Variants in INSR observed in about 807,000 individuals in gnomAD.
The protein encoded by INSR is IR.
Under a neutral mutation model 142.6 loss-of-function variants are expected in INSR, and 67 were observed. The observed-to-expected ratio is 0.47, with a 90% CI of 0.39 to 0.58. The LOEUF (loss-of-function observed/expected upper bound fraction) is 0.58. INSR is among the 20% of genes least tolerant of loss of function. The pLI, the probability that INSR is intolerant of heterozygous loss-of-function variation, is 0.00. For synonymous variants in INSR, 756 were observed against 743.1 expected, an observed-to-expected ratio of 1.02 and a Z score of -0.28; for missense variants, 1,248 against 1,833.2, an observed-to-expected ratio of 0.68 and a Z score of 5.83.
intron 3 of INSR, among the ~76,000 whole-genome samples, chr19:7,183,293 TGTGTG>T (rs1974323502): frequency 6.6e-6 from 1 of 151,734 alleles, no homozygotes; most frequent in Non-Finnish European, 1.5e-5. Flanking sequence ...TGTGTGTGTG[TGTGTG>T]TTTTAAAACA....
intron 2 of INSR, among the ~76,000 whole-genome samples, chr19:7,207,363 G>A (rs564427303): frequency 6.6e-6 from 1 of 152,078 alleles, no homozygotes; most frequent in East Asian, 1.9e-4. Flanking sequence ...GTTGCAGTGA[G>A]CCAAGATGGT....
In INSR at chr19:7,119,826, ACAAACACACACACC is replaced by A. The variant is rs1465216563; in HGVS notation, c.3660-257_3660-244del. On this transcript the variant is annotated intron_variant, in intron 20 of 21. Coordinates refer to ENST00000302850, the MANE Select transcript of INSR (RefSeq NM_000208.4). This position sits in a 1 kb window ranked among gnomAD's most constrained non-coding sequence, Gnocchi z 5.2. ...CAAACACACAAACACATATACACAC[ACAAACACACACACC>A]CAAACACACACACGCACACACATGC... 2.6e-4 allele frequency among the ~76,000 whole-genome samples: 11 copies of A among 42,752 alleles called. No homozygotes were observed. Among genetic ancestry groups the A allele is most frequent in the Admixed American group, 3.3e-4 (1 of 3,054 alleles). 28.0% of individuals were successfully genotyped at this position (42,752 alleles called of 152,430 possible).
chr19:7,289,969 G>A (rs564132267), intron 1 of INSR, among the ~76,000 whole-genome samples: 22 of 152,296 alleles, frequency 1.4e-4, no homozygotes, highest in Non-Finnish European at 2.8e-4. Context: ...TGAGAGTTCT[G>A]CTTAAACCAA....
At chr19:7,148,623 G>A (rs562718426) in intron 11 of INSR, among the ~76,000 whole-genome samples, 29 of 151,492 alleles carry the variant, frequency 1.9e-4, no homozygotes, top group Middle Eastern at 3.4e-3. Context: ...GACTACAGGC[G>A]TGTGTCACCA....
intron 3 of INSR, among the ~76,000 whole-genome samples, chr19:7,178,252 G>T (rs1025220965): frequency 9.1e-5 from 12 of 131,898 alleles, no homozygotes; most frequent in Non-Finnish European, 1.8e-4. Context: ...GTGGGGGGGG[G>T]GGTGCCTAGA....
intron 1 of INSR, among the ~76,000 whole-genome samples, chr19:7,287,211 G>C (rs1421397416): frequency 6.8e-6 from 1 of 146,230 alleles, no homozygotes; most frequent in African/African-American, 2.6e-5. Context: ...CCAGGCTAGA[G>C]TGCAGTGGCG....
intron 2 of INSR, among the ~76,000 whole-genome samples, chr19:7,195,935 T>C (rs997556255): frequency 5.0e-5 from 5 of 99,554 alleles, no homozygotes; most frequent in African/African-American, 1.2e-4. Flanking sequence ...TTCTTTCTTT[T>C]TTTTTTTTTT....
chr19:7,198,309 C>T (rs555780730), intron 2 of INSR, among the ~76,000 whole-genome samples: 2 of 151,832 alleles, frequency 1.3e-5, no homozygotes, highest in South Asian at 4.1e-4. Context: ...GGCGCTCGGG[C>T]AGTGGCCGCC....
intron 10 of INSR, chr19:7,151,933 C>G (rs1011270258): frequency 2.5e-4 from 38 of 151,824 alleles, no homozygotes; most frequent in African/African-American, 8.7e-4. Context: ...GCTAGGAGTT[C>G]AGACATGCAT....
rs1244466058 is a variant in INSR, at chr19:7,192,532, G to A, written c.653-7895C>T. ...TGACACGTAATGAGCCCAAGTGTCC[G>A]TTCCTGCCCAAATTCTGGTTTGGGG... On this transcript the variant is annotated intron_variant, in intron 2 of 21. Transcript: ENST00000302850. This position sits in a 1 kb window ranked among gnomAD's most constrained non-coding sequence, Gnocchi z 4.2. Among the ~76,000 whole-genome samples the A allele has an allele frequency of 2.6e-5, 4 of 152,168 alleles. No individual in the cohort carries two copies. Among genetic ancestry groups the A allele is most frequent in the Admixed American group, 6.5e-5 (1 of 15,278 alleles).
At chr19:7,217,488 A>G (rs1975469973) in intron 2 of INSR, among the ~76,000 whole-genome samples, 1 of 152,098 alleles carries the variant, frequency 6.6e-6, no homozygotes. Flanking sequence ...AACCGACCAC[A>G]TTCACCCTTT....
rs963495226 is a variant in INSR at position 7,142,555 on chromosome 19, C to T, written c.2542+261G>A. Reference sequence around the variant, plus strand: ...ACTAAAAATACAAAAATTAGCTGGGCGTGGTGGCAGACACCTGTAGTCCCA... The same window carrying T: ...ACTAAAAATACAAAAATTAGCTGGGTGTGGTGGCAGACACCTGTAGTCCCA... On this transcript the variant is annotated intron_variant, in intron 12 of 21. Transcript: ENST00000302850. Among the ~76,000 whole-genome samples the T allele has an allele frequency of 4.6e-5, 7 of 151,552 alleles. No homozygotes were observed. The East Asian group carries it at 5.8e-4, about 13-fold the overall frequency.
At chr19:7,224,146 G>A (rs7247736) in intron 2 of INSR, among the ~76,000 whole-genome samples, 19,713 of 151,376 alleles carry the variant, frequency 0.13, 1,472 homozygotes, top group East Asian at 0.23. Context: ...GTTTCACCAC[G>A]TTGGCCAGGA....
chr19:7,133,736 G>A (rs147614471), intron 13 of INSR, among the ~76,000 whole-genome samples: 1,651 of 152,302 alleles, frequency 0.011, 34 homozygotes, highest in African/African-American at 0.037. Flanking sequence ...GGCGGCACAC[G>A]CCTGTAATCC....
chr19:7,289,451 G>C (rs2145254881), intron 1 of INSR, among the ~76,000 whole-genome samples: 1 of 149,908 alleles, frequency 6.7e-6, no homozygotes, highest in East Asian at 2.0e-4. Context: ...TGTTGCCCAG[G>C]CTAGAATGCA....
Position 7,217,861 on chromosome 19 carries a change from C to CT in INSR, c.653-33225dup, listed in dbSNP as rs1336368656. Among the ~76,000 whole-genome samples the CT allele has an allele frequency of 3.9e-5, 6 of 152,272 alleles. No homozygotes were observed. In the East Asian group the frequency reaches 9.7e-4, roughly 24 times the overall value. On this transcript the variant is annotated intron_variant, in intron 2 of 21. Transcript: ENST00000302850. ...GGCGTAAGCCACCGCACCCGGCCTT[C>CT]TTTTTTTTCTTTTGTAAAAACAAAA... is the stretch of plus-strand genomic sequence containing the variant.
chr19:7,241,646 G>T (rs1340055412), intron 2 of INSR, among the ~76,000 whole-genome samples: 1 of 152,050 alleles, frequency 6.6e-6, no homozygotes, highest in East Asian at 1.9e-4. Flanking sequence ...AAATAAATCA[G>T]CTGGGCATGG....
chr19:7,195,341 T>C (rs1974715466), intron 2 of INSR, among the ~76,000 whole-genome samples: 1 of 152,114 alleles, frequency 6.6e-6, no homozygotes, highest in African/African-American at 2.4e-5. Context: ...TGGCCTGTGC[T>C]CTTCAAAACT....
chr19:7,142,939 GCGACTCCTTGTTCACCAC>G lies in INSR; in HGVS notation c.2401_2418del (p.Val801_Ser806del), dbSNP rs1157075788. 1 of 1,614,184 alleles carries G rather than the reference GCGACTCCTTGTTCACCAC, an allele frequency of 6.2e-7. No individual in the cohort carries two copies. The highest frequency in any genetic ancestry group is 8.5e-7 in the Non-Finnish European group (1 of 1,180,028). ...AAGTGTCGCAAGCCGGAGATGACCA[GCGACTCCTTGTTCACCAC>G]CTTCTCAAAAGGCCTGTGCTCCTCC... On this transcript the variant is annotated inframe_deletion, in exon 12 of 22. Transcript: ENST00000302850.
Sources: gnomAD v4.1 joint callset for allele counts (sites outside exome capture counted in the v4.1 genomes callset) on GRCh38, gnomAD v4.1.1 for gene constraint, Gnocchi (gnomAD v3.1) non-coding constraint, MANE v1.5 for transcripts, NCBI Gene and HGNC (gene_info 2026-07-23, HGNC 2026-07-21) for gene names.